TENM4: variants seen among roughly 807,000 people sequenced by gnomAD.
The protein encoded by TENM4 is teneurin transmembrane protein 4.
In TENM4, 82 loss-of-function variants were observed where a neutral mutation model predicts 243.3. That is an observed-to-expected ratio of 0.34 (90% CI 0.28 to 0.40). The LOEUF (loss-of-function observed/expected upper bound fraction) is 0.40, where lower values mean the gene tolerates loss of function less well. TENM4 is among the 10% of genes least tolerant of loss of function. TENM4 has a pLI of 1.00. For synonymous variants in TENM4, 1,412 were observed against 1,456.3 expected (o/e 0.97, Z 0.69); for missense variants, 3,138 against 3,673.3 (o/e 0.85, Z 3.77).
intron 30 of TENM4, among the ~76,000 whole-genome samples, chr11:78,673,993 A>C (rs1259563312): frequency 6.6e-6 from 1 of 152,206 alleles, no homozygotes; most frequent in African/African-American, 2.4e-5. Context: ...CAGACAGGGC[A>C]CAGGAAGATA....
intron 3 of TENM4, among the ~76,000 whole-genome samples, chr11:79,170,359 T>G (rs1478899770): frequency 6.6e-6 from 1 of 152,148 alleles, no homozygotes; most frequent in Non-Finnish European, 1.5e-5. Context: ...AACAGAGACT[T>G]TCCATACTTG....
chr11:79,237,763 G>A (rs1864507258), intron 2 of TENM4, among the ~76,000 whole-genome samples: 1 of 152,232 alleles, frequency 6.6e-6, no homozygotes, highest in African/African-American at 2.4e-5. Flanking sequence ...TCTGAAGACT[G>A]CAGTGCACGG....
chr11:78,947,944 A>G (rs557489677), intron 6 of TENM4, among the ~76,000 whole-genome samples: 1 of 152,290 alleles, frequency 6.6e-6, no homozygotes, highest in African/African-American at 2.4e-5. Context: ...CTTGGTGTAA[A>G]GCATTGCTTG....
rs982563092 is a variant in TENM4, at chr11:79,440,576, G to C, written c.-388C>G. ...CGGCAGGGAGGCAAGGCGCCGCGCC[G>C]GTGGCTCCTCTCTCTCTCGGCGGCG... On this transcript the variant is annotated 5_prime_UTR_variant, in exon 1 of 34. Coordinates refer to ENST00000278550, the MANE Select transcript of TENM4 (RefSeq NM_001098816.3). The surrounding 1 kb of genome is among the most constrained non-coding windows in gnomAD (Gnocchi z 4.7). 2.0e-5 allele frequency: 3 copies of C among 152,234 alleles called. No individual in the cohort carries two copies. The highest frequency in any genetic ancestry group is 1.9e-4 in the East Asian group (1 of 5,138). The allele number at this position is 152,234 out of a possible 1,614,324, so 9.4% of individuals were successfully genotyped here.
chr11:78,872,576 A>G (rs757602959), intron 9 of TENM4, among the ~76,000 whole-genome samples: 16 of 152,196 alleles, frequency 1.1e-4, no homozygotes, highest in Non-Finnish European at 1.0e-4. Context: ...TGAAGTGTCT[A>G]TATAAAGGTG....
At position 78,669,557 on chromosome 11, in the gene TENM4, T is replaced by G; in HGVS notation, c.6788A>C (p.Gln2263Pro). 6.2e-7 allele frequency: 1 copy of G among 1,613,980 alleles called. No homozygotes were observed. The change falls in exon 32 of 34, where the codon CAG becomes CCG. Residue 2263 changes from glutamine to proline, a missense_variant. Physicochemically the swap from Gln to Pro is moderately conservative, Grantham distance 76. Coordinates refer to ENST00000278550, the MANE Select transcript of TENM4 (RefSeq NM_001098816.3). This position sits in a 1 kb window ranked among gnomAD's most constrained non-coding sequence, Gnocchi z 6.4. ...YKMDEDGFLR[Q>P]RGGDIFEYNS... ...GTACTCAAAGATATCACCGCCCCGC[T>G]GCCTCAGGAAGCCATCCTCATCCAT... is the stretch of plus-strand genomic sequence containing the variant.
intron 9 of TENM4, among the ~76,000 whole-genome samples, chr11:78,868,683 G>C (rs1433923609): frequency 6.6e-6 from 1 of 152,212 alleles, no homozygotes; most frequent in African/African-American, 2.4e-5. Flanking sequence ...TCATTATGCA[G>C]GAGTCACCAA....
intron 3 of TENM4, among the ~76,000 whole-genome samples, chr11:79,208,255 C>T (rs939555699): frequency 2.0e-5 from 3 of 152,196 alleles, no homozygotes; most frequent in Non-Finnish European, 4.4e-5. Context: ...GTATTAAGCA[C>T]ATCTATGAGT....
chr11:79,173,787 G>A (rs1863101391), intron 3 of TENM4, among the ~76,000 whole-genome samples: 5 of 152,170 alleles, frequency 3.3e-5, no homozygotes, highest in Admixed American at 2.0e-4. Flanking sequence ...TAGTGCAGTT[G>A]CCGCCTGAGC....
At chr11:79,082,822 G>A (rs1489760151) in intron 4 of TENM4, among the ~76,000 whole-genome samples, 1 of 152,050 alleles carries the variant, frequency 6.6e-6, no homozygotes, top group African/African-American at 2.4e-5. Flanking sequence ...AAGGGGTGGA[G>A]GAAAAGGCCC....
At chr11:78,758,228 C>T (rs768219737) in intron 18 of TENM4, among the ~76,000 whole-genome samples, 2 of 152,158 alleles carry the variant, frequency 1.3e-5, no homozygotes, top group Non-Finnish European at 2.9e-5. Context: ...TCCTCACCAC[C>T]GTGGGAGCGC....
chr11:78,862,448 G>A (rs941233008), intron 10 of TENM4, among the ~76,000 whole-genome samples: 6 of 152,082 alleles, frequency 3.9e-5, no homozygotes, highest in African/African-American at 9.7e-5. Context: ...TTATTATTGC[G>A]GATGCGGAAA....
intron 9 of TENM4, among the ~76,000 whole-genome samples, chr11:78,870,657 T>G (rs1859097567): frequency 6.6e-6 from 1 of 152,148 alleles, no homozygotes; most frequent in Admixed American, 6.5e-5. Context: ...CTCTGTGCCA[T>G]GCAAAGTTAT....
At chr11:79,320,267 T>C (rs957459278) in intron 1 of TENM4, among the ~76,000 whole-genome samples, 1 of 152,220 alleles carries the variant, frequency 6.6e-6, no homozygotes, top group Non-Finnish European at 1.5e-5. Context: ...TTTTTCATCA[T>C]GTCTCCATAG....
Position 78,669,824 on chromosome 11 carries a change from C to T in TENM4, c.6521G>A (p.Gly2174Glu), listed in dbSNP as rs1374672415. Residue 2174 changes from glycine to glutamate, a missense_variant, in exon 32 of 34, where the codon GGG becomes GAG. Gly to Glu is a moderately conservative substitution (Grantham distance 98). Transcript: ENST00000278550. This position sits in a 1 kb window ranked among gnomAD's most constrained non-coding sequence, Gnocchi z 6.4. The stretch of plus-strand genomic sequence containing the variant: ...CTTCAGCTCCTTCTTCACTACTCGC[C>T]CCATGTTATCATACTGGACGGTCAT... ...YWMTVQYDNMGRVVKKELKVG... is the reference protein window; with the variant it reads ...YWMTVQYDNMERVVKKELKVG... 1 of 1,613,732 alleles carries T rather than the reference C, an allele frequency of 6.2e-7. No homozygotes were observed. The highest frequency in any genetic ancestry group is 8.5e-7 in the Non-Finnish European group (1 of 1,179,842).
At chr11:79,229,168 AT>A (rs1260938558) in intron 2 of TENM4, among the ~76,000 whole-genome samples, 1 of 152,170 alleles carries the variant, frequency 6.6e-6, no homozygotes, top group African/African-American at 2.4e-5. Context: ...GTTTTTAACC[AT>A]TTTTTGGTTG....
chr11:79,207,617 C>A lies in TENM4; in HGVS notation c.-163+8191G>T, dbSNP rs567932165. 7.9e-5 allele frequency among the ~76,000 whole-genome samples: 12 copies of A among 152,120 alleles called. No individual in the cohort carries two copies. The East Asian group carries it at 1.7e-3, about 22-fold the overall frequency. On this transcript the variant is annotated intron_variant, in intron 3 of 33. Coordinates refer to ENST00000278550, the MANE Select transcript of TENM4 (RefSeq NM_001098816.3). ...TGGTGGCTCACACCTGTAATCCCAG[C>A]ACTTTGGGAGGCCGAGGCAGGTGGA...
intron 3 of TENM4, among the ~76,000 whole-genome samples, chr11:79,164,414 A>T (rs1269761776): frequency 7.3e-6 from 1 of 136,758 alleles, no homozygotes; most frequent in Non-Finnish European, 1.5e-5. Context: ...GAATATATAT[A>T]GTATGTAGTA....
At chr11:78,696,115 T>C (rs945185306) in intron 28 of TENM4, among the ~76,000 whole-genome samples, 6 of 152,104 alleles carry the variant, frequency 3.9e-5, no homozygotes, top group Admixed American at 3.3e-4. Context: ...TTTGGGTAAT[T>C]TCTATTAACC....
Sources: allele counts gnomAD v4.1 joint callset (sites outside exome capture counted in the v4.1 genomes callset), GRCh38; gene constraint gnomAD v4.1.1; non-coding constraint Gnocchi (gnomAD v3.1); transcripts MANE v1.5; gene names NCBI Gene and HGNC (gene_info 2026-07-23, HGNC 2026-07-21).